Variants in WWOX observed in about 807,000 individuals in gnomAD.
WWOX encodes the protein WW domain containing oxidoreductase.
Under a neutral mutation model 46.2 loss-of-function variants are expected in WWOX, and 69 were observed. The observed-to-expected ratio is 1.49, with a 90% CI of 1.23 to 1.82. The LOEUF is 1.82. Ranked by LOEUF, WWOX falls within the 40% of genes most tolerant of loss-of-function variation. The pLI, the probability that WWOX is intolerant of heterozygous loss-of-function variation, is 0.00. For synonymous variants in WWOX, 359 were observed against 202.6 expected, an observed-to-expected ratio of 1.77 and a Z score of -6.56; for missense variants, 919 against 542.6, an observed-to-expected ratio of 1.69 and a Z score of -6.89.
intron 8 of WWOX, among the ~76,000 whole-genome samples, chr16:78,839,408 G>A (rs766270758): frequency 6.6e-6 from 1 of 152,046 alleles, no homozygotes; most frequent in Non-Finnish European, 1.5e-5. Flanking sequence ...TTGTTGGTTT[G>A]GCATTGATTT....
chr16:79,030,985 G>T (rs1156975931), intron 8 of WWOX, among the ~76,000 whole-genome samples: 2 of 151,504 alleles, frequency 1.3e-5, no homozygotes, highest in Non-Finnish European at 2.9e-5. Context: ...CCACCCACTC[G>T]AGAGGCTGTG....
intron 8 of WWOX, among the ~76,000 whole-genome samples, chr16:78,567,340 T>C (rs2151567442): frequency 6.6e-6 from 1 of 150,900 alleles, no homozygotes; most frequent in Admixed American, 6.6e-5. Context: ...GGTCAGGAGA[T>C]CGAGACCATC....
chr16:78,253,438 T>C (rs986936226), intron 5 of WWOX, among the ~76,000 whole-genome samples: 2 of 152,328 alleles, frequency 1.3e-5, no homozygotes, highest in African/African-American at 4.8e-5. Flanking sequence ...GCTTTATAGC[T>C]GAAACTGAGG....
chr16:78,140,548 C>A (rs974868425), intron 4 of WWOX, among the ~76,000 whole-genome samples: 92 of 152,050 alleles, frequency 6.1e-4, no homozygotes, highest in African/African-American at 2.0e-3. Flanking sequence ...CTTCTGGTAG[C>A]CCTAGATGTT....
At chr16:79,083,237 G>GCCATTT (rs2048793552) in intron 8 of WWOX, among the ~76,000 whole-genome samples, 2 of 152,248 alleles carry the variant, frequency 1.3e-5, no homozygotes, top group African/African-American at 2.4e-5. Flanking sequence ...CATTGCCATT[G>GCCATTT]CCATGTGATT....
At chr16:78,886,578 C>T (rs1391194145) in intron 8 of WWOX, among the ~76,000 whole-genome samples, 1 of 150,464 alleles carries the variant, frequency 6.6e-6, no homozygotes, top group Non-Finnish European at 1.5e-5. Flanking sequence ...ACACTTGGTA[C>T]ACATTGATAT....
At chr16:78,185,338 T>G (rs1375551393) in intron 5 of WWOX, among the ~76,000 whole-genome samples, 2 of 152,234 alleles carry the variant, frequency 1.3e-5, no homozygotes, top group African/African-American at 4.8e-5. Context: ...CTCCCGCCTC[T>G]GTAACCGCAC....
intron 5 of WWOX, among the ~76,000 whole-genome samples, chr16:78,381,626 C>T (rs1203785232): frequency 1.3e-5 from 2 of 152,112 alleles, no homozygotes; most frequent in Admixed American, 6.6e-5. Context: ...TAAGCTTGTA[C>T]TGGTGTGATC....
At chr16:78,326,677 T>C (rs766092157) in intron 5 of WWOX, among the ~76,000 whole-genome samples, 4 of 150,858 alleles carry the variant, frequency 2.7e-5, no homozygotes, top group Non-Finnish European at 5.9e-5. Context: ...GTTTAATTTA[T>C]AATTTTTGTT....
At chr16:78,775,099 A>C (rs1007795513) in intron 8 of WWOX, among the ~76,000 whole-genome samples, 1 of 152,190 alleles carries the variant, frequency 6.6e-6, no homozygotes, top group Admixed American at 6.5e-5. Flanking sequence ...CAGAGTCACC[A>C]ACTCACTCCA....
Position 78,695,323 on chromosome 16 carries a change from C to A in WWOX, c.1056+262571C>A, listed in dbSNP as rs540109881. On this transcript the variant is annotated intron_variant, in intron 8 of 8. Coordinates refer to ENST00000566780, the MANE Select transcript of WWOX (RefSeq NM_016373.4). ...CTTCCCCCCACTTTTTCTCTCACTC[C>A]AATTTGAATCCTCCCATATGTCCCT... Among the ~76,000 whole-genome samples, 10 of 152,126 alleles carry A rather than the reference C, an allele frequency of 6.6e-5. No individual in the cohort carries two copies. The South Asian group carries it at 1.7e-3, about 25-fold the overall frequency.
intron 8 of WWOX, among the ~76,000 whole-genome samples, chr16:78,829,506 TAGTC>T (rs2051755670): frequency 6.6e-6 from 1 of 152,192 alleles, no homozygotes; most frequent in South Asian, 2.1e-4. Flanking sequence ...AAATAATGGT[TAGTC>T]AGATATCTGG....
chr16:78,754,940 T>C (rs1033848630), intron 8 of WWOX, among the ~76,000 whole-genome samples: 4 of 151,644 alleles, frequency 2.6e-5, no homozygotes, highest in African/African-American at 7.3e-5. Flanking sequence ...AAGAGAATGC[T>C]GTCCACAAAG....
At chr16:78,756,686 T>G (rs1019480239) in intron 8 of WWOX, among the ~76,000 whole-genome samples, 2 of 152,138 alleles carry the variant, frequency 1.3e-5, no homozygotes, top group Admixed American at 1.3e-4. Context: ...CATTCTTCCG[T>G]TAAACTACCA....
chr16:78,520,400 T>C (rs1298593685), intron 8 of WWOX, among the ~76,000 whole-genome samples: 5 of 152,232 alleles, frequency 3.3e-5, no homozygotes, highest in African/African-American at 7.2e-5. Flanking sequence ...CGAAGACTTC[T>C]GATTTCGTTT....
chr16:79,161,334 T>C (rs1485703842), intron 8 of WWOX, among the ~76,000 whole-genome samples: 1 of 152,126 alleles, frequency 6.6e-6, no homozygotes, highest in Non-Finnish European at 1.5e-5. Context: ...ATGGACGTCA[T>C]TGTACTCCCT....
At chr16:78,477,029 T>C (rs2084367190) in intron 8 of WWOX, among the ~76,000 whole-genome samples, 1 of 152,158 alleles carries the variant, frequency 6.6e-6, no homozygotes, top group African/African-American at 2.4e-5. Context: ...TTAAATAAAT[T>C]ATTTATACAT....
intron 8 of WWOX, among the ~76,000 whole-genome samples, chr16:78,816,303 A>G (rs1026038388): frequency 1.3e-5 from 2 of 152,098 alleles, no homozygotes; most frequent in African/African-American, 4.8e-5. Flanking sequence ...AACTCTGTGA[A>G]TGTTCACTTC....
intron 8 of WWOX, among the ~76,000 whole-genome samples, chr16:78,504,998 T>C (rs1048755714): frequency 6.6e-6 from 1 of 152,174 alleles, no homozygotes; most frequent in Non-Finnish European, 1.5e-5. Flanking sequence ...GTATATGCCT[T>C]TGTGCACGAA....
Sources: allele counts gnomAD v4.1 joint callset (sites outside exome capture counted in the v4.1 genomes callset), GRCh38; gene constraint gnomAD v4.1.1; transcripts MANE v1.5; gene names NCBI Gene and HGNC (gene_info 2026-07-23, HGNC 2026-07-21).